The following INPP4A variants were observed in gnomAD, a reference collection of about 807,000 sequenced individuals.
The protein encoded by INPP4A is inositol polyphosphate-4-phosphatase type I A, also known as inositol polyphosphate-4-phosphatase, type I, 107kD.
INPP4A carries 33 observed loss-of-function variants against 119.8 expected under a neutral mutation model. That is an observed-to-expected ratio of 0.28 (90% CI 0.21 to 0.37). The LOEUF (loss-of-function observed/expected upper bound fraction) is 0.37, where lower values mean the gene tolerates loss of function less well. INPP4A is among the 10% of genes least tolerant of loss of function. The pLI, the probability that INPP4A is intolerant of heterozygous loss-of-function variation, is 1.00. For missense variants in INPP4A, 956 were observed against 1,289.9 expected (o/e 0.74, Z 3.97); for synonymous variants, 496 against 500.7 (o/e 0.99, Z 0.12).
intron 10 of INPP4A, among the ~76,000 whole-genome samples, chr2:98,540,774 T>C (rs1691277132): frequency 6.6e-6 from 1 of 152,222 alleles, no homozygotes; most frequent in African/African-American, 2.4e-5. Flanking sequence ...AATCCATTCA[T>C]GAGGGCAGAG....
intron 1 of INPP4A, among the ~76,000 whole-genome samples, chr2:98,468,572 A>AG (rs1675274772): frequency 6.6e-6 from 1 of 151,890 alleles, no homozygotes; most frequent in African/African-American, 2.4e-5. Flanking sequence ...CCACTAGGGG[A>AG]GGGTAATAAA....
intron 10 of INPP4A, among the ~76,000 whole-genome samples, chr2:98,541,701 CAG>C (rs1309828768): frequency 6.6e-6 from 1 of 152,218 alleles, no homozygotes; most frequent in Admixed American, 6.5e-5. Context: ...CCTCTTACCT[CAG>C]CTTCCTGAAC....
At chr2:98,446,680 T>C (rs1444384678) in intron 1 of INPP4A, among the ~76,000 whole-genome samples, 1 of 152,140 alleles carries the variant, frequency 6.6e-6, no homozygotes, top group East Asian at 1.9e-4. Flanking sequence ...GCCACCTTAC[T>C]CATCATGTAG....
intron 1 of INPP4A, among the ~76,000 whole-genome samples, chr2:98,456,310 G>A (rs1383268980): frequency 6.6e-6 from 1 of 152,124 alleles, no homozygotes; most frequent in African/African-American, 2.4e-5. Context: ...CAGGGAGGTT[G>A]CCATTGCTAA....
At chr2:98,495,147 G>T (rs965609332) in intron 1 of INPP4A, among the ~76,000 whole-genome samples, 3 of 152,160 alleles carry the variant, frequency 2.0e-5, no homozygotes, top group Non-Finnish European at 4.4e-5. Context: ...TAGCTAAGAT[G>T]TCATTTTCAA....
chr2:98,450,178 T>C (rs572182111), intron 1 of INPP4A, among the ~76,000 whole-genome samples: 4 of 152,310 alleles, frequency 2.6e-5, no homozygotes, highest in African/African-American at 9.6e-5. Flanking sequence ...TCCCTGGACA[T>C]CCTGTGGGAG....
intron 7 of INPP4A, 87 bp downstream of exon 7, chr2:98,536,295 G>A: frequency 1.3e-6 from 1 of 797,834 alleles, no homozygotes. Flanking sequence ...CTTATACTGA[G>A]AGAGCACCCT....
intron 1 of INPP4A, among the ~76,000 whole-genome samples, chr2:98,498,525 A>G (rs567671417): frequency 1.3e-5 from 2 of 151,966 alleles, no homozygotes; most frequent in African/African-American, 4.8e-5. Flanking sequence ...CTGCAAGCAG[A>G]AGCAGGCTCT....
chr2:98,582,060 A>G (rs1699383985), intron 24 of INPP4A, among the ~76,000 whole-genome samples: 1 of 152,186 alleles, frequency 6.6e-6, no homozygotes, highest in African/African-American at 2.4e-5. Context: ...CTACCTTCTG[A>G]TGTACAACTA....
intron 17 of INPP4A, among the ~76,000 whole-genome samples, chr2:98,561,503 A>C (rs1695468994): frequency 6.6e-6 from 1 of 152,212 alleles, no homozygotes; most frequent in South Asian, 2.1e-4. Context: ...CCTTCTACCA[A>C]GTTCCATATC....
intron 4 of INPP4A, among the ~76,000 whole-genome samples, chr2:98,527,010 C>G (rs1047649115): frequency 4.6e-5 from 7 of 152,204 alleles, no homozygotes. Context: ...GGCCCTACCT[C>G]CAATACTGGG....
chr2:98,498,070 T>TG (rs1363861112), intron 1 of INPP4A, among the ~76,000 whole-genome samples: 2 of 152,126 alleles, frequency 1.3e-5, no homozygotes, highest in East Asian at 3.9e-4. Context: ...GTTAAGACTT[T>TG]GGGGGACTGT....
intron 1 of INPP4A, among the ~76,000 whole-genome samples, chr2:98,476,811 T>C (rs1677318182): frequency 6.6e-6 from 1 of 152,196 alleles, no homozygotes; most frequent in East Asian, 1.9e-4. Context: ...CCTGTGACGA[T>C]AGCGGGTTAA....
chr2:98,483,875 CT>C (rs1357769471), intron 1 of INPP4A, among the ~76,000 whole-genome samples: 1 of 152,150 alleles, frequency 6.6e-6, no homozygotes, highest in Non-Finnish European at 1.5e-5. Flanking sequence ...GAAGTCCGGT[CT>C]TCCTCTCCAC....
chr2:98,455,442 C>T (rs1469323995), intron 1 of INPP4A, among the ~76,000 whole-genome samples: 1 of 152,098 alleles, frequency 6.6e-6, no homozygotes, highest in Non-Finnish European at 1.5e-5. Flanking sequence ...AGGGACGACA[C>T]CTTGCTGGTA....
chr2:98,507,825 A>C (rs1684352561), intron 1 of INPP4A, among the ~76,000 whole-genome samples: 1 of 152,188 alleles, frequency 6.6e-6, no homozygotes, highest in Non-Finnish European at 1.5e-5. Context: ...TGTTTAGCTC[A>C]GCCCAGACTC....
Position 98,592,559 on chromosome 2 carries a change from A to C in INPP4A, c.*4951A>C, listed in dbSNP as rs1381726604. On this transcript the variant is annotated 3_prime_UTR_variant, in exon 25 of 25. Transcript: ENST00000409851. ...ACAGTGGATAAAATCCAGTATTTGA[A>C]ATCAGGAAGACAGAAAAAAAAGCAA... 6.6e-6 allele frequency: 1 copy of C among 152,262 alleles called. No homozygotes were observed. Among genetic ancestry groups the C allele is most frequent in the Non-Finnish European group, 1.5e-5 (1 of 68,048 alleles). 9.4% of individuals were successfully genotyped at this position (152,262 alleles called of 1,614,324 possible). A position where few individuals can be genotyped will look rare whatever the true frequency, so the allele number is the denominator to read the frequency against.
intron 10 of INPP4A, among the ~76,000 whole-genome samples, chr2:98,541,247 A>C (rs1321190046): frequency 6.6e-6 from 1 of 152,048 alleles, no homozygotes; most frequent in Non-Finnish European, 1.5e-5. Flanking sequence ...GAATGGCGTG[A>C]ACCCAGGAGG....
At chr2:98,562,222 C>T (rs927139917) in intron 17 of INPP4A, among the ~76,000 whole-genome samples, 5 of 152,220 alleles carry the variant, frequency 3.3e-5, no homozygotes, top group Admixed American at 6.5e-5. Context: ...AAACAGTTAG[C>T]GTGCCTGCAT....
Sources: gnomAD v4.1 joint callset for allele counts (sites outside exome capture counted in the v4.1 genomes callset) on GRCh38, gnomAD v4.1.1 for gene constraint, MANE v1.5 for transcripts, NCBI Gene and HGNC (gene_info 2026-07-23, HGNC 2026-07-21) for gene names.